The following ABR variants were observed in gnomAD, a reference collection of about 807,000 sequenced individuals.
ABR encodes the protein ABR activator of RhoGEF and GTPase.
ABR carries 35 observed loss-of-function variants against 107.2 expected under a neutral mutation model. The ratio of observed to expected loss-of-function variants is 0.33; its 90% confidence interval spans 0.25 to 0.43. The LOEUF (loss-of-function observed/expected upper bound fraction) is 0.43, where lower values mean the gene tolerates loss of function less well. Ranked by LOEUF, ABR falls within the 20% of genes least tolerant of loss-of-function variation. The pLI is 1.00. For synonymous variants in ABR, 498 were observed against 462.0 expected, an observed-to-expected ratio of 1.08 and a Z score of -1.00; for missense variants, 815 against 1,115.2, an observed-to-expected ratio of 0.73 and a Z score of 3.83.
intron 21 of ABR, among the ~76,000 whole-genome samples, chr17:1,007,549 T>C (rs531845852): frequency 6.6e-6 from 1 of 152,318 alleles, no homozygotes. Flanking sequence ...CCCCCTGAAC[T>C]GATGGTGAAC....
At chr17:1,101,881 C>A (rs1226017526) in intron 2 of ABR, among the ~76,000 whole-genome samples, 1 of 151,976 alleles carries the variant, frequency 6.6e-6, no homozygotes, top group Non-Finnish European at 1.5e-5. Context: ...CTACAGGCTC[C>A]CGCCACCACG....
intron 2 of ABR, among the ~76,000 whole-genome samples, 192 bp downstream of exon 2, chr17:1,124,991 C>T (rs979829088): frequency 2.6e-5 from 4 of 151,894 alleles, no homozygotes; most frequent in Admixed American, 2.6e-4. Flanking sequence ...GTTGGCAAAG[C>T]AGGTGGGGAG....
rs2072286622 is a variant in ABR, at chr17:1,027,486, C to T, written c.1792-14322G>A. On this transcript the variant is annotated intron_variant, in intron 16 of 22. Coordinates refer to ENST00000302538, the MANE Select transcript of ABR (RefSeq NM_021962.5). The surrounding 1 kb of genome is among the most constrained non-coding windows in gnomAD (Gnocchi z 4.7). ...AGGGTTCCCGCTCTGCGGACTCAAGCAAGCCTCTTGGGAGCTGGCCTGGCA... is the reference window on the plus strand; with the variant it reads ...AGGGTTCCCGCTCTGCGGACTCAAGTAAGCCTCTTGGGAGCTGGCCTGGCA... 6.6e-6 allele frequency among the ~76,000 whole-genome samples: 1 copy of T among 152,232 alleles called. No individual in the cohort carries two copies. The highest frequency in any genetic ancestry group is 2.1e-4 in the South Asian group (1 of 4,830).
chr17:1,060,308 G>A (rs997736178), intron 10 of ABR, among the ~76,000 whole-genome samples: 2 of 152,076 alleles, frequency 1.3e-5, no homozygotes, highest in Non-Finnish European at 2.9e-5. Flanking sequence ...TACTCGGGAG[G>A]CTGAGGCACG....
At chr17:1,108,264 C>T (rs77131236) in intron 2 of ABR, among the ~76,000 whole-genome samples, 2,176 of 152,284 alleles carry the variant, frequency 0.014, 44 homozygotes, top group East Asian at 0.098. Context: ...GGGGCCGCCC[C>T]GCTCCTCAAG....
intron 2 of ABR, among the ~76,000 whole-genome samples, chr17:1,114,792 T>TA (rs1310920888): frequency 6.6e-6 from 1 of 150,790 alleles, no homozygotes; most frequent in African/African-American, 2.4e-5. Flanking sequence ...AAGCAGTGGT[T>TA]AGAGATGCTG....
chr17:1,127,000 G>C (rs1453110606), intron 1 of ABR, among the ~76,000 whole-genome samples: 2 of 152,342 alleles, frequency 1.3e-5, no homozygotes, highest in East Asian at 1.9e-4. Context: ...CCAGCCCACA[G>C]GCAACCAGCA....
chr17:1,025,069 C>T (rs1452256652), intron 16 of ABR, among the ~76,000 whole-genome samples: 7 of 127,916 alleles, frequency 5.5e-5, no homozygotes, highest in Non-Finnish European at 1.1e-4. Context: ...CTGCAGTGAG[C>T]CAAGATTGCG....
rs1305449473 is a variant in ABR at position 1,148,912 on chromosome 17, T to C, written c.62-23545A>G. Among the ~76,000 whole-genome samples, 1 of 150,490 alleles carries C rather than the reference T, an allele frequency of 6.6e-6. No individual in the cohort carries two copies. Among genetic ancestry groups the C allele is most frequent in the Non-Finnish European group, 1.5e-5 (1 of 67,904 alleles). ...CTTTTGTTTTTTGTTTTTGTTTTTG[T>C]TTTTTTTGAGACAGAGTCTCACTCT... On this transcript the variant is annotated intron_variant, in intron 1 of 22. Transcript: ENST00000302538. The surrounding 1 kb of genome is among the most constrained non-coding windows in gnomAD (Gnocchi z 4.9).
intron 1 of ABR, among the ~76,000 whole-genome samples, chr17:1,196,644 G>A (rs1054405196): frequency 9.3e-5 from 14 of 149,888 alleles, no homozygotes; most frequent in Admixed American, 2.0e-4. Context: ...AACAAGGCTC[G>A]AGTCCCTGGG....
intron 1 of ABR, among the ~76,000 whole-genome samples, chr17:1,160,324 C>A (rs187108750): frequency 2.0e-3 from 308 of 151,154 alleles, no homozygotes; most frequent in Non-Finnish European, 1.8e-3. Flanking sequence ...ACTAACACAG[C>A]CTCTTATGGG....
chr17:1,114,028 G>C (rs933332216), intron 2 of ABR, among the ~76,000 whole-genome samples: 1 of 151,974 alleles, frequency 6.6e-6, no homozygotes. Flanking sequence ...ATAATTAGCT[G>C]AGTGTGGTGG....
chr17:1,100,403 C>A (rs1196180264), intron 3 of ABR, among the ~76,000 whole-genome samples: 1 of 152,248 alleles, frequency 6.6e-6, no homozygotes, highest in Non-Finnish European at 1.5e-5. Context: ...CATCTCTAAG[C>A]CGGGTGTGCT....
At chr17:1,193,459 C>G (rs984033825) in intron 1 of ABR, among the ~76,000 whole-genome samples, 10 of 152,228 alleles carry the variant, frequency 6.6e-5, no homozygotes, top group Admixed American at 1.3e-4. Context: ...GCCCGCTTTA[C>G]AGAAGAGGCT....
chr17:1,130,641 C>T (rs536880759), intron 1 of ABR, among the ~76,000 whole-genome samples: 130 of 152,232 alleles, frequency 8.5e-4, no homozygotes, highest in African/African-American at 3.0e-3. Flanking sequence ...ATTCCTGGGA[C>T]CTGGGAATGT....
At chr17:1,170,305 G>A (rs1025254313) in intron 1 of ABR, among the ~76,000 whole-genome samples, 1 of 152,120 alleles carries the variant, frequency 6.6e-6, no homozygotes, top group Non-Finnish European at 1.5e-5. Flanking sequence ...CAGCGTCAAG[G>A]AGCCCCCACC....
At chr17:1,228,780 G>T (rs566655048) in intron 1 of ABR, 1 of 152,122 alleles carries the variant, frequency 6.6e-6, no homozygotes, top group South Asian at 2.1e-4. Context: ...CGGGGTCTGG[G>T]GGGGGCGCCC....
chr17:1,140,484 C>T (rs1351730555), intron 1 of ABR, among the ~76,000 whole-genome samples: 1 of 152,234 alleles, frequency 6.6e-6, no homozygotes, highest in African/African-American at 2.4e-5. Context: ...CCAGATCAGC[C>T]TGTCCGGGGC....
At chr17:1,079,453 T>G in intron 5 of ABR, 63 bp from the exon 6 acceptor site, 1 of 1,473,152 alleles carries the variant, frequency 6.8e-7, no homozygotes, top group Non-Finnish European at 9.4e-7. Context: ...GCCCCCACTG[T>G]GAGCCTGGCA....
Sources: gnomAD v4.1 joint callset for allele counts (sites outside exome capture counted in the v4.1 genomes callset) on GRCh38, gnomAD v4.1.1 for gene constraint, Gnocchi (gnomAD v3.1) non-coding constraint, MANE v1.5 for transcripts, NCBI Gene and HGNC (gene_info 2026-07-23, HGNC 2026-07-21) for gene names.